RAI2: variants seen among roughly 807,000 people sequenced by gnomAD.
The protein encoded by RAI2 is retinoic acid-induced protein 2.
Under a neutral mutation model 15.3 loss-of-function variants are expected in RAI2, and 5 were observed. That is an observed-to-expected ratio of 0.33 (90% CI 0.17 to 0.69). The LOEUF (loss-of-function observed/expected upper bound fraction) is 0.69. Among genes scored for constraint, RAI2 ranks in the 30% least tolerant of loss-of-function variants. The pLI, the probability that RAI2 is intolerant of heterozygous loss-of-function variation, is 0.69. For missense variants in RAI2, 424 were observed against 424.7 expected, an observed-to-expected ratio of 1.00 and a Z score of 0.01; for synonymous variants, 191 against 184.0, an observed-to-expected ratio of 1.04 and a Z score of -0.31.
At chrX:17,818,845 C>G (rs1220821001) in intron 1 of RAI2, among the ~76,000 whole-genome samples, 2 of 112,852 alleles carry the variant, frequency 1.8e-5, no homozygotes, top group African/African-American at 3.2e-5. Flanking sequence ...ATGGTCAGAG[C>G]AGCTGAGAGG....
chrX:17,803,294 G>A (rs1418695879), intron 1 of RAI2, among the ~76,000 whole-genome samples: 6 of 111,198 alleles, frequency 5.4e-5, no homozygotes, highest in Admixed American at 9.6e-5. Context: ...GGGAGGCTGA[G>A]GTGGGCAGAT....
chrX:17,812,642 T>C lies in RAI2; in HGVS notation c.-24-10608A>G, dbSNP rs2067062163. Among the ~76,000 whole-genome samples, 3 of 111,844 alleles carry C rather than the reference T, an allele frequency of 2.7e-5. No homozygotes were observed. In the South Asian group the frequency reaches 1.1e-3, roughly 42 times the overall value. ...CATAATTTCACTTCATATCCTTCAG[T>C]TTTCCTTCTCCTTTGCACGAGAGCT... is the stretch of plus-strand genomic sequence containing the variant. On this transcript the variant is annotated intron_variant, in intron 1 of 1. Coordinates refer to ENST00000451717, the MANE Select transcript of RAI2 (RefSeq NM_021785.6).
In RAI2 at chrX:17,801,216, G is replaced by T; in HGVS notation, c.795C>A (p.Pro265=). 1 of 1,211,003 alleles carries T rather than the reference G, an allele frequency of 8.3e-7. No homozygotes were observed. The highest frequency in any genetic ancestry group is 1.1e-6 in the Non-Finnish European group (1 of 895,004). ...GCAGGCCGAAGGAAGATGGTGGCTT[G>T]GGGAAACTGGAGCTGAACTTGGATT... ...SSESKFSSSF[P]KPPSSFGLHP... The change falls in exon 2 of 2, where the codon CCC becomes CCA. Residue 265 remains proline, a synonymous_variant. Transcript: ENST00000451717.
In RAI2 at chrX:17,826,367, CT is replaced by C. The variant is rs58507285; in HGVS notation, c.-24-24334del. ...AGCACCTATCACATTTGCAAGCTAT[CT>C]TTTTTTTTCCTTTGTTTTCTGTTTA... On this transcript the variant is annotated intron_variant, in intron 1 of 1. Coordinates refer to ENST00000451717, the MANE Select transcript of RAI2 (RefSeq NM_021785.6). Among the ~76,000 whole-genome samples the C allele has an allele frequency of 6.7e-3, 741 of 110,281 alleles. 6 individuals are homozygous for C. Among genetic ancestry groups the C allele is most frequent in the African/African-American group, 0.022 (669 of 30,263 alleles).
chrX:17,806,132 T>C (rs550835133), intron 1 of RAI2, among the ~76,000 whole-genome samples: 1 of 110,977 alleles, frequency 9.0e-6, no homozygotes, highest in East Asian at 2.9e-4. Flanking sequence ...AATTGTGGGT[T>C]CAAAGGGTGA....
intron 1 of RAI2, among the ~76,000 whole-genome samples, chrX:17,827,594 T>C (rs1347402459): frequency 8.9e-6 from 1 of 111,760 alleles, no homozygotes; most frequent in East Asian, 2.8e-4. Context: ...AACTTGCTAC[T>C]CAGTTGCAGA....
intron 1 of RAI2, among the ~76,000 whole-genome samples, chrX:17,860,886 C>T (rs2067680555): frequency 9.5e-6 from 1 of 104,927 alleles, no homozygotes; most frequent in African/African-American, 3.4e-5. Flanking sequence ...GCCACACGGG[C>T]GGCGGCCTCG....
intron 1 of RAI2, among the ~76,000 whole-genome samples, chrX:17,848,107 A>G (rs1268300216): frequency 1.8e-5 from 2 of 111,591 alleles, no homozygotes; most frequent in African/African-American, 3.3e-5. Context: ...GTGTGTTAGC[A>G]CTTTTTTGTT....
At chrX:17,802,624 C>T (rs983419684) in intron 1 of RAI2, among the ~76,000 whole-genome samples, 2 of 111,971 alleles carry the variant, frequency 1.8e-5, no homozygotes, top group Admixed American at 1.9e-4. Flanking sequence ...CTCCCAGTAA[C>T]AGCAAAATCC....
intron 1 of RAI2, among the ~76,000 whole-genome samples, chrX:17,834,195 T>A (rs778978454): frequency 2.7e-5 from 3 of 111,866 alleles, no homozygotes; most frequent in Admixed American, 9.5e-5. Context: ...AGGTCGTGTA[T>A]ATGTTAATTT....
intron 1 of RAI2, among the ~76,000 whole-genome samples, chrX:17,827,093 A>G (rs967878194): frequency 4.4e-5 from 5 of 112,714 alleles, no homozygotes; most frequent in African/African-American, 1.3e-4. Flanking sequence ...ATGATGAGTA[A>G]GAGGCACTGC....
At chrX:17,802,259 T>C (rs372074334) in intron 1 of RAI2, among the ~76,000 whole-genome samples, 1 of 112,295 alleles carries the variant, frequency 8.9e-6, no homozygotes, top group Non-Finnish European at 1.9e-5. Context: ...GATTAAGCTA[T>C]AAATGCAGAT....
intron 1 of RAI2, among the ~76,000 whole-genome samples, chrX:17,842,437 G>A (rs1450891187): frequency 9.0e-6 from 1 of 111,204 alleles, no homozygotes; most frequent in Non-Finnish European, 1.9e-5. Flanking sequence ...CCACATGCTT[G>A]GGGGATATGA....
At chrX:17,851,395 T>G (rs1193990494) in intron 1 of RAI2, among the ~76,000 whole-genome samples, 2 of 112,321 alleles carry the variant, frequency 1.8e-5, no homozygotes, top group Admixed American at 1.9e-4. Flanking sequence ...AACGGTAACA[T>G]TGTAGAGCTT....
chrX:17,843,622 A>T (rs780022136), intron 1 of RAI2, among the ~76,000 whole-genome samples: 1 of 112,178 alleles, frequency 8.9e-6, no homozygotes, highest in African/African-American at 3.2e-5. Flanking sequence ...CCTCACTCAA[A>T]CTAACAGGGT....
chrX:17,848,098 T>A (rs891417620), intron 1 of RAI2, among the ~76,000 whole-genome samples: 1 of 111,800 alleles, frequency 8.9e-6, no homozygotes, highest in Admixed American at 9.5e-5. Context: ...GGGAAACTTG[T>A]GTGTTAGCAC....
chrX:17,813,787 G>A (rs2067075546), intron 1 of RAI2, among the ~76,000 whole-genome samples: 1 of 111,818 alleles, frequency 8.9e-6, no homozygotes, highest in Admixed American at 9.5e-5. Context: ...GCTACCTCCT[G>A]AAACGCTGGT....
intron 1 of RAI2, among the ~76,000 whole-genome samples, chrX:17,847,919 C>T (rs753217249): frequency 2.6e-4 from 29 of 111,633 alleles, no homozygotes. Flanking sequence ...TTTACTGAGC[C>T]GCTCATGGGT....
At chrX:17,822,857 C>T (rs1203599204) in intron 1 of RAI2, among the ~76,000 whole-genome samples, 1 of 112,305 alleles carries the variant, frequency 8.9e-6, no homozygotes, top group Admixed American at 9.4e-5. Flanking sequence ...ATGGATGCAA[C>T]GAAAGTGACT....
Sources: gnomAD v4.1 joint callset for allele counts (sites outside exome capture counted in the v4.1 genomes callset) on GRCh38, gnomAD v4.1.1 for gene constraint, MANE v1.5 for transcripts, NCBI Gene and HGNC (gene_info 2026-07-23, HGNC 2026-07-21) for gene names.